The following NUFIP1 variants were observed in gnomAD, a reference collection of about 807,000 sequenced individuals.
NUFIP1 encodes nuclear FMR1 interacting protein 1.
In NUFIP1, 38 loss-of-function variants were observed where a neutral mutation model predicts 56.2. The ratio of observed to expected loss-of-function variants is 0.68; its 90% CI spans 0.52 to 0.89. The LOEUF (loss-of-function observed/expected upper bound fraction) is 0.89. NUFIP1 is among the 40% of genes least tolerant of loss of function. The pLI is 0.00. For missense variants in NUFIP1, 567 were observed against 605.8 expected (o/e 0.94, Z 0.67); for synonymous variants, 215 against 212.4 (o/e 1.01, Z -0.10).
At chr13:44,973,437 C>T (rs1871870530) in intron 5 of NUFIP1, among the ~76,000 whole-genome samples, 1 of 152,140 alleles carries the variant, frequency 6.6e-6, no homozygotes, top group African/African-American at 2.4e-5. Flanking sequence ...AAGACTTCTC[C>T]AACCACTTAC....
chr13:44,967,096 TG>T (rs1487400339), intron 5 of NUFIP1, among the ~76,000 whole-genome samples: 1 of 151,440 alleles, frequency 6.6e-6, no homozygotes, highest in South Asian at 2.1e-4. Flanking sequence ...GTATAAAGAC[TG>T]GGGGGTAGGG....
chr13:44,943,351 A>AC (rs1870806916), intron 9 of NUFIP1, 91 bp downstream of exon 9: 8 of 938,580 alleles, frequency 8.5e-6, no homozygotes, highest in African/African-American at 6.8e-5. Flanking sequence ...CCTTAAAACA[A>AC]ACACACACAC....
intron 7 of NUFIP1, among the ~76,000 whole-genome samples, chr13:44,955,246 A>C (rs1335380326): frequency 6.6e-6 from 1 of 152,240 alleles, no homozygotes. Context: ...GACAGACAAT[A>C]AGCCACACTC....
At chr13:44,977,254 C>T (rs1872012362) in intron 5 of NUFIP1, among the ~76,000 whole-genome samples, 1 of 152,168 alleles carries the variant, frequency 6.6e-6, no homozygotes, top group African/African-American at 2.4e-5. Context: ...AAGACCAGGG[C>T]CAACTACAAT....
intron 7 of NUFIP1, among the ~76,000 whole-genome samples, chr13:44,956,806 C>T (rs1365180807): frequency 1.3e-5 from 2 of 152,082 alleles, no homozygotes; most frequent in Non-Finnish European, 2.9e-5. Context: ...TCCCCATCCC[C>T]GCTCCCCCCT....
intron 6 of NUFIP1, among the ~76,000 whole-genome samples, chr13:44,965,491 C>T (rs1037723072): frequency 1.4e-4 from 21 of 152,214 alleles, no homozygotes; most frequent in South Asian, 1.0e-3. Flanking sequence ...GTCAAGAGAT[C>T]GAGACTATCC....
chr13:44,985,782 T>A (rs1415433122), intron 1 of NUFIP1, among the ~76,000 whole-genome samples: 1 of 152,134 alleles, frequency 6.6e-6, no homozygotes, highest in Non-Finnish European at 1.5e-5. Context: ...GACGCAATAT[T>A]CAAAAGTAGG....
chr13:44,958,741 T>A (rs1163533900), intron 7 of NUFIP1, among the ~76,000 whole-genome samples: 2 of 152,236 alleles, frequency 1.3e-5, no homozygotes, highest in Non-Finnish European at 2.9e-5. Context: ...AAAAATGTAG[T>A]AAAAATATTT....
chr13:44,941,317 T>C lies in NUFIP1; in HGVS notation c.1377A>G (p.Leu459=), dbSNP rs1555249629. The C allele has an allele frequency of 1.3e-6, 2 of 1,594,250 alleles. No homozygotes were observed. The highest frequency in any genetic ancestry group is 8.5e-7 in the Non-Finnish European group (1 of 1,169,920). ...THHPYLLEML[L]APDIRHERNV... ...TTCTTTCATGTCGAATGTCCGGAGC[T>C]AGAAGCTAAAACACAATTTAAAAAA... The change falls in exon 10 of 10, where the codon CTA becomes CTG. Residue 459 remains leucine (L), a synonymous_variant. Coordinates refer to ENST00000379161, the MANE Select transcript of NUFIP1 (RefSeq NM_012345.3).
intron 5 of NUFIP1, among the ~76,000 whole-genome samples, chr13:44,967,752 GCTTT>G (rs1180645970): frequency 6.6e-6 from 1 of 152,172 alleles, no homozygotes; most frequent in East Asian, 1.9e-4. Context: ...CAGATGAACT[GCTTT>G]CTTTGTTTCT....
intron 7 of NUFIP1, among the ~76,000 whole-genome samples, chr13:44,951,305 AAT>A (rs1871077939): frequency 6.6e-6 from 1 of 152,206 alleles, no homozygotes; most frequent in Admixed American, 6.5e-5. Context: ...AAAGTACAGT[AAT>A]AGTTGAATAT....
chr13:44,955,363 C>A (rs1439576214), intron 7 of NUFIP1, among the ~76,000 whole-genome samples: 9 of 152,150 alleles, frequency 5.9e-5, no homozygotes, highest in Admixed American at 4.6e-4. Context: ...ACACATGGCA[C>A]CAAATACAAT....
chr13:44,976,779 G>A (rs1251976785), intron 5 of NUFIP1, among the ~76,000 whole-genome samples: 3 of 152,068 alleles, frequency 2.0e-5, no homozygotes, highest in Non-Finnish European at 2.9e-5. Context: ...GGCTGGGTGG[G>A]AACTCTCTGC....
chr13:44,982,010 G>C, intron 2 of NUFIP1, 62 bp downstream of exon 2: 1 of 828,332 alleles, frequency 1.2e-6, no homozygotes. Flanking sequence ...TGACAGAAAT[G>C]CAAGATATGA....
At chr13:44,977,808 G>A (rs1872035897) in intron 5 of NUFIP1, among the ~76,000 whole-genome samples, 1 of 152,170 alleles carries the variant, frequency 6.6e-6, no homozygotes, top group South Asian at 2.1e-4. Context: ...CAGCACTTTG[G>A]GAGGCTGAGA....
Position 44,940,345 on chromosome 13 carries a change from C to T in NUFIP1, c.*861G>A, listed in dbSNP as rs368496217. The stretch of plus-strand genomic sequence containing the variant: ...CATGGAGGAGCTATCAGCTTTCTTA[C>T]CTTTCTTCCTTGACAGCAAGATTCA... On this transcript the variant is annotated 3_prime_UTR_variant, in exon 10 of 10. Coordinates refer to ENST00000379161, the MANE Select transcript of NUFIP1 (RefSeq NM_012345.3). The T allele has an allele frequency of 1.1e-4, 16 of 152,334 alleles. No individual in the cohort carries two copies. In the East Asian group the frequency reaches 1.9e-3, roughly 18 times the overall value. 9.4% of individuals were successfully genotyped at this position (152,334 alleles called of 1,614,324 possible). A position where few individuals can be genotyped will look rare whatever the true frequency, so the allele number is the denominator to read the frequency against.
intron 3 of NUFIP1, among the ~76,000 whole-genome samples, chr13:44,980,170 C>T (rs1872137181): frequency 6.6e-6 from 1 of 152,194 alleles, no homozygotes; most frequent in Non-Finnish European, 1.5e-5. Flanking sequence ...ATCTTATTTA[C>T]TTCTCCATTT....
At chr13:44,941,848 A>G (rs946398215) in intron 9 of NUFIP1, among the ~76,000 whole-genome samples, 1 of 152,128 alleles carries the variant, frequency 6.6e-6, no homozygotes, top group Non-Finnish European at 1.5e-5. Context: ...ACTAACGCTT[A>G]TATTTGGAGT....
chr13:44,964,781 AG>A (rs1169966804), intron 6 of NUFIP1, among the ~76,000 whole-genome samples: 1 of 152,174 alleles, frequency 6.6e-6, no homozygotes, highest in Non-Finnish European at 1.5e-5. Context: ...AGTCATAACT[AG>A]GGCCTGTTTG....
Sources: gnomAD v4.1 joint callset for allele counts (sites outside exome capture counted in the v4.1 genomes callset) on GRCh38, gnomAD v4.1.1 for gene constraint, MANE v1.5 for transcripts, NCBI Gene and HGNC (gene_info 2026-07-23, HGNC 2026-07-21) for gene names.